The following CIRSR variants were observed in gnomAD, a reference collection of about 807,000 sequenced individuals.
CIRSR encodes the protein corepressor of RBPJ and splicing regulator, also known as CBF1 (RBPJ) interacting corepressor 1.
the CIRSR span, among the ~76,000 whole-genome samples, chr2:174,350,227 AT>A: frequency 6.6e-6 from 1 of 152,142 alleles, no homozygotes; most frequent in African/African-American, 2.4e-5. Context: ...CATTTCTTGG[AT>A]TCTTTTAATT....
At chr2:174,355,137 C>T in the CIRSR span, among the ~76,000 whole-genome samples, 6 of 152,014 alleles carry the variant, frequency 3.9e-5, no homozygotes, top group African/African-American at 1.4e-4. Flanking sequence ...ACAGAGGCTA[C>T]GTAGAGTTAC....
the CIRSR span, among the ~76,000 whole-genome samples, chr2:174,354,234 A>G: frequency 1.3e-5 from 2 of 150,700 alleles, no homozygotes; most frequent in Admixed American, 1.3e-4. Flanking sequence ...TTCACAATGT[A>G]TGACTGTAAA....
At chr2:174,377,386 C>T in the CIRSR span, among the ~76,000 whole-genome samples, 2 of 152,142 alleles carry the variant, frequency 1.3e-5, no homozygotes, top group Non-Finnish European at 2.9e-5. Flanking sequence ...GGTATGTAAG[C>T]TTTTAAGGGT....
the CIRSR span, among the ~76,000 whole-genome samples, chr2:174,352,280 C>T: frequency 6.6e-6 from 1 of 152,004 alleles, no homozygotes; most frequent in Non-Finnish European, 1.5e-5. Context: ...ATTAATCTTG[C>T]TTTTATTCCC....
chr2:174,389,986 G>A, the CIRSR span, among the ~76,000 whole-genome samples: 1 of 152,346 alleles, frequency 6.6e-6, no homozygotes, highest in South Asian at 2.1e-4. Context: ...CTGCAGGGGT[G>A]GAACCCTCTT....
chr2:174,362,284 G>A, the CIRSR span, among the ~76,000 whole-genome samples: 1 of 149,922 alleles, frequency 6.7e-6, no homozygotes, highest in Non-Finnish European at 1.5e-5. Context: ...CCGGCCTGGG[G>A]GACAAAGCGA....
chr2:174,388,916 A>G, the CIRSR span, among the ~76,000 whole-genome samples: 1 of 152,140 alleles, frequency 6.6e-6, no homozygotes. Context: ...TGATGGTTTT[A>G]TAAGGGGTTT....
the CIRSR span, chr2:174,348,413 T>A: frequency 1.3e-6 from 2 of 1,514,534 alleles, no homozygotes; most frequent in Non-Finnish European, 8.8e-7. Flanking sequence ...AATTTACCCC[T>A]TGCTAAAGGT....
chr2:174,363,334 T>C, the CIRSR span, among the ~76,000 whole-genome samples: 26,970 of 152,172 alleles, frequency 0.18, 3,075 homozygotes, highest in Middle Eastern at 0.31. Context: ...GAGGAGTCTT[T>C]TGGGAAAGCT....
the CIRSR span, among the ~76,000 whole-genome samples, chr2:174,353,748 G>A: frequency 2.6e-5 from 4 of 152,122 alleles, no homozygotes; most frequent in Admixed American, 6.5e-5. Context: ...TTACAGCCGT[G>A]AGCCACCGCG....
the CIRSR span, among the ~76,000 whole-genome samples, chr2:174,369,203 G>T: frequency 2.0e-5 from 3 of 152,336 alleles, no homozygotes; most frequent in East Asian, 5.8e-4. Context: ...ATCAGCATTT[G>T]CTGCTTCACC....
At chr2:174,372,066 C>T in the CIRSR span, among the ~76,000 whole-genome samples, 2 of 152,082 alleles carry the variant, frequency 1.3e-5, no homozygotes, top group Non-Finnish European at 2.9e-5. Context: ...TTTCCTATTT[C>T]ATACAGAATT....
chr2:174,364,269 T>A, the CIRSR span, among the ~76,000 whole-genome samples: 1,214 of 152,336 alleles, frequency 8.0e-3, 16 homozygotes, highest in African/African-American at 0.028. Context: ...GTCACGCTGA[T>A]ACAAGAGGTG....
the CIRSR span, among the ~76,000 whole-genome samples, chr2:174,359,067 T>C: frequency 3.3e-5 from 5 of 152,200 alleles, no homozygotes; most frequent in East Asian, 9.6e-4. Flanking sequence ...TCCATGAGCC[T>C]CAAAAACTTG....
At chr2:174,359,465 A>G in the CIRSR span, among the ~76,000 whole-genome samples, 1 of 152,192 alleles carries the variant, frequency 6.6e-6, no homozygotes, top group Non-Finnish European at 1.5e-5. Flanking sequence ...AGGGAATTCA[A>G]ACTTACATAT....
chr2:174,374,567 T>C, the CIRSR span, among the ~76,000 whole-genome samples: 3 of 152,182 alleles, frequency 2.0e-5, no homozygotes, highest in African/African-American at 7.2e-5. Flanking sequence ...GTTCTAAGAA[T>C]TAAGCAAATG....
the CIRSR span, chr2:174,378,716 C>A: frequency 1.8e-6 from 1 of 547,452 alleles, no homozygotes. Flanking sequence ...AAAAATTAAA[C>A]TTAATCCTAT....
At chr2:174,395,307 G>T in the CIRSR span, among the ~76,000 whole-genome samples, 2 of 152,200 alleles carry the variant, frequency 1.3e-5, no homozygotes, top group Admixed American at 6.5e-5. Flanking sequence ...GCATATTATG[G>T]ATTTGCATTC....
the CIRSR span, among the ~76,000 whole-genome samples, chr2:174,392,545 G>C: frequency 6.6e-6 from 1 of 152,120 alleles, no homozygotes; most frequent in Non-Finnish European, 1.5e-5. Context: ...CAATATAGGT[G>C]AAAGATGATG....
Sources: allele counts gnomAD v4.1 joint callset (sites outside exome capture counted in the v4.1 genomes callset), GRCh38; gene constraint gnomAD v4.1.1; transcripts MANE v1.5; gene names NCBI Gene and HGNC (gene_info 2026-07-23, HGNC 2026-07-21).